The following CMSS1 variants were observed in gnomAD, a reference collection of about 807,000 sequenced individuals.
CMSS1 encodes the protein cms1 ribosomal small subunit homolog.
A neutral mutation model predicts 43.5 loss-of-function variants in CMSS1; 33 were observed. The observed-to-expected ratio is 0.76, with a 90% CI of 0.57 to 1.01. The LOEUF (loss-of-function observed/expected upper bound fraction) is 1.01, where lower values mean the gene tolerates loss of function less well. Among genes scored for constraint, CMSS1 ranks in the 50% least tolerant of loss-of-function variants. The pLI is 0.00. For synonymous variants in CMSS1, 115 were observed against 117.2 expected (o/e 0.98, Z 0.12); for missense variants, 313 against 326.4 (o/e 0.96, Z 0.32).
chr3:99,942,011 T>A (rs1707863784), intron 1 of CMSS1, among the ~76,000 whole-genome samples: 1 of 152,136 alleles, frequency 6.6e-6, no homozygotes, highest in African/African-American at 2.4e-5. Context: ...TTTCAGGAGA[T>A]CTAGACCATC....
chr3:99,956,488 G>A (rs1708322684), intron 1 of CMSS1, among the ~76,000 whole-genome samples: 1 of 152,156 alleles, frequency 6.6e-6, no homozygotes, highest in African/African-American at 2.4e-5. Context: ...TAGTAGCTGG[G>A]ATTACAGGCA....
At chr3:100,144,218 T>G (rs887792753) in intron 1 of CMSS1, among the ~76,000 whole-genome samples, 16 of 152,214 alleles carry the variant, frequency 1.1e-4, no homozygotes, top group African/African-American at 3.9e-4. Flanking sequence ...CACTTTGATT[T>G]ATCTCAGTGT....
intron 1 of CMSS1, among the ~76,000 whole-genome samples, chr3:99,995,176 A>G (rs1311511039): frequency 1.3e-5 from 2 of 152,210 alleles, no homozygotes; most frequent in African/African-American, 2.4e-5. Context: ...CCTAGATACA[A>G]TGTGGGTACA....
chr3:99,929,421 A>G (rs546121117), intron 1 of CMSS1, among the ~76,000 whole-genome samples: 3 of 152,308 alleles, frequency 2.0e-5, no homozygotes, highest in Middle Eastern at 3.4e-3. Flanking sequence ...CAAAATTTCT[A>G]TGACATAATA....
At chr3:99,971,284 G>C (rs956786266) in intron 1 of CMSS1, among the ~76,000 whole-genome samples, 2 of 149,152 alleles carry the variant, frequency 1.3e-5, no homozygotes, top group African/African-American at 5.0e-5. Context: ...AGCTTGCAGT[G>C]AGCCAAGATC....
chr3:100,118,316 T>A (rs2066592982), intron 1 of CMSS1, among the ~76,000 whole-genome samples: 1 of 151,992 alleles, frequency 6.6e-6, no homozygotes, highest in African/African-American at 2.4e-5. Flanking sequence ...ACACGGCTTA[T>A]ATTATATCTC....
chr3:99,975,817 G>A (rs371586364), intron 1 of CMSS1, among the ~76,000 whole-genome samples: 1 of 152,308 alleles, frequency 6.6e-6, no homozygotes, highest in East Asian at 1.9e-4. Flanking sequence ...TAGAAGGAAA[G>A]TTTAGAACAA....
At chr3:99,893,956 T>C (rs1706169938) in intron 1 of CMSS1, among the ~76,000 whole-genome samples, 1 of 152,214 alleles carries the variant, frequency 6.6e-6, no homozygotes, top group South Asian at 2.1e-4. Flanking sequence ...AAGCTGGGTG[T>C]CAAGATATTC....
At chr3:99,978,746 T>G (rs1709038583) in intron 1 of CMSS1, among the ~76,000 whole-genome samples, 1 of 151,822 alleles carries the variant, frequency 6.6e-6, no homozygotes, top group African/African-American at 2.4e-5. Context: ...AATAGAAAAA[T>G]TAACCAGGCA....
chr3:99,848,034 T>C, intron 1 of CMSS1: 2 of 1,205,076 alleles, frequency 1.7e-6, no homozygotes, highest in Non-Finnish European at 2.1e-6. Flanking sequence ...TAAAGATGTA[T>C]TTATACAAGT....
chr3:100,078,548 G>A (rs1466206940), intron 1 of CMSS1, among the ~76,000 whole-genome samples: 1 of 151,920 alleles, frequency 6.6e-6, no homozygotes, highest in Non-Finnish European at 1.5e-5. Context: ...ATTGTCTTGG[G>A]CCACACGTAA....
intron 1 of CMSS1, among the ~76,000 whole-genome samples, chr3:100,142,266 C>T (rs2066811556): frequency 6.6e-6 from 1 of 152,112 alleles, no homozygotes; most frequent in South Asian, 2.1e-4. Context: ...ATGGGCTCCA[C>T]ATATGTAGAT....
chr3:100,029,800 C>T (rs888255338), intron 1 of CMSS1, among the ~76,000 whole-genome samples: 5 of 152,156 alleles, frequency 3.3e-5, no homozygotes, highest in Non-Finnish European at 7.3e-5. Context: ...TGTCACTACG[C>T]TATATAGTGA....
At chr3:99,836,122 A>G (rs1559649815) in intron 1 of CMSS1, among the ~76,000 whole-genome samples, 1 of 152,196 alleles carries the variant, frequency 6.6e-6, no homozygotes, top group Non-Finnish European at 1.5e-5. Flanking sequence ...TGTGATCAGA[A>G]TGGTATTTAA....
chr3:100,053,464 G>A (rs1181949530), intron 1 of CMSS1, among the ~76,000 whole-genome samples: 13 of 152,108 alleles, frequency 8.5e-5, no homozygotes, highest in Non-Finnish European at 1.2e-4. Context: ...GTCTTCCCTC[G>A]TTGTGTCTGT....
At chr3:99,850,196 T>G (rs1943603109) in intron 1 of CMSS1, 2 of 1,612,438 alleles carry the variant, frequency 1.2e-6, no homozygotes, top group East Asian at 4.5e-5. Flanking sequence ...GTTAATGTTT[T>G]CAGTTTAGTT....
chr3:99,851,940 G>C (rs1469110886), intron 1 of CMSS1, among the ~76,000 whole-genome samples: 1 of 152,200 alleles, frequency 6.6e-6, no homozygotes, highest in Non-Finnish European at 1.5e-5. Flanking sequence ...GGTTTGGTAG[G>C]AAAGTGCTTA....
chr3:100,059,826 T>TA (rs2065529413), intron 1 of CMSS1, among the ~76,000 whole-genome samples: 1 of 152,188 alleles, frequency 6.6e-6, no homozygotes, highest in Non-Finnish European at 1.5e-5. Context: ...TCCTGATTTT[T>TA]AAAAAACTCT....
intron 1 of CMSS1, among the ~76,000 whole-genome samples, chr3:100,115,242 A>G (rs1276147704): frequency 6.6e-6 from 1 of 152,154 alleles, no homozygotes; most frequent in Non-Finnish European, 1.5e-5. Flanking sequence ...TGCTCAAGTC[A>G]TGCATTATCT....
Sources: gnomAD v4.1 joint callset for allele counts (sites outside exome capture counted in the v4.1 genomes callset) on GRCh38, gnomAD v4.1.1 for gene constraint, MANE v1.5 for transcripts, NCBI Gene and HGNC (gene_info 2026-07-23, HGNC 2026-07-21) for gene names.